The following SASH1 variants were observed in gnomAD, a reference collection of about 807,000 sequenced individuals.
The protein encoded by SASH1 is SAM and SH3 domain containing 1, also known as SAM and SH3 domain-containing protein 1.
SASH1 carries 44 observed loss-of-function variants against 125.2 expected under a neutral mutation model. That is an observed-to-expected ratio of 0.35 (90% CI 0.28 to 0.45). The LOEUF (loss-of-function observed/expected upper bound fraction) is 0.45, where lower values mean the gene tolerates loss of function less well. SASH1 is among the 20% of genes least tolerant of loss of function. The probability of loss-of-function intolerance (pLI) is 1.00; values close to 1 mark genes in which losing one functional copy is unlikely to be tolerated. For missense variants in SASH1, 1,426 were observed against 1,614.5 expected, an observed-to-expected ratio of 0.88 and a Z score of 2.00; for synonymous variants, 639 against 649.1, an observed-to-expected ratio of 0.98 and a Z score of 0.24.
intron 1 of SASH1, among the ~76,000 whole-genome samples, chr6:148,307,056 CTTTCTTTCT>C (rs1244461120): frequency 6.9e-6 from 1 of 145,574 alleles, no homozygotes; most frequent in Non-Finnish European, 1.5e-5. Flanking sequence ...TTCTTTCTTT[CTTTCTTTCT>C]TTCTTTCTTT....
chr6:148,495,883 TG>T lies in SASH1; in HGVS notation c.729+8170del, dbSNP rs1375081403. 6.6e-6 allele frequency among the ~76,000 whole-genome samples: 1 copy of T among 152,238 alleles called. No homozygotes were observed. Among genetic ancestry groups the T allele is most frequent in the East Asian group, 1.9e-4 (1 of 5,194 alleles). Reference sequence around the variant, plus strand: ...AGGAGTCTCATTCTGTCACCCAGGCTGGAGTGCAGTGGCACGATCTCGGCCC... The same window carrying T: ...AGGAGTCTCATTCTGTCACCCAGGCTGAGTGCAGTGGCACGATCTCGGCCC... On this transcript the variant is annotated intron_variant, in intron 8 of 19. Coordinates refer to ENST00000367467, the MANE Select transcript of SASH1 (RefSeq NM_015278.5). This position sits in a 1 kb window ranked among gnomAD's most constrained non-coding sequence, Gnocchi z 4.0.
At chr6:148,385,690 G>A (rs948130344) in intron 1 of SASH1, among the ~76,000 whole-genome samples, 4 of 152,110 alleles carry the variant, frequency 2.6e-5, no homozygotes, top group Non-Finnish European at 4.4e-5. Flanking sequence ...CCTGCATAAT[G>A]AAGCTTCCAT....
chr6:148,510,886 C>G (rs778455644), intron 8 of SASH1, among the ~76,000 whole-genome samples: 14 of 151,402 alleles, frequency 9.2e-5, no homozygotes, highest in Non-Finnish European at 2.1e-4. Flanking sequence ...ATCCCAGCTA[C>G]TCGGGAGGCT....
chr6:148,404,758 C>T (rs560128782), intron 2 of SASH1, among the ~76,000 whole-genome samples: 3 of 119,750 alleles, frequency 2.5e-5, no homozygotes, highest in African/African-American at 9.9e-5. Context: ...CAGCCCGTGC[C>T]CCACCCCAGC....
intron 2 of SASH1, among the ~76,000 whole-genome samples, chr6:148,436,780 C>A (rs1776307169): frequency 6.6e-6 from 1 of 152,166 alleles, no homozygotes; most frequent in Non-Finnish European, 1.5e-5. Flanking sequence ...TCTGCTATTG[C>A]CTTTCTGAAT....
chr6:148,394,643 CTT>C (rs1318817355), intron 2 of SASH1, among the ~76,000 whole-genome samples: 1 of 152,034 alleles, frequency 6.6e-6, no homozygotes, highest in African/African-American at 2.4e-5. Flanking sequence ...ATCTCTCTCT[CTT>C]TCTTTCTTTC....
At chr6:148,228,108 G>T in the SASH1 span, among the ~76,000 whole-genome samples, 208 of 152,304 alleles carry the variant, frequency 1.4e-3, no homozygotes, top group African/African-American at 4.6e-3. Flanking sequence ...TACAATTTTT[G>T]ATGTGCCTGC....
In SASH1 at chr6:148,544,573, T is replaced by C; in HGVS notation, c.3103T>C (p.Cys1035Arg). The C allele has an allele frequency of 3.7e-6, 6 of 1,613,294 alleles. No individual in the cohort carries two copies. The highest frequency in any genetic ancestry group is 5.1e-6 in the Non-Finnish European group (6 of 1,179,930). The change falls in exon 18 of 20, where the codon TGT (cysteine) becomes CGT (arginine). Residue 1035 changes from cysteine (C) to arginine (R), a missense_variant. By Grantham distance (180) the Cys-to-Arg change is radical (BLOSUM62 -3). Transcript: ENST00000367467. This position sits in a 1 kb window ranked among gnomAD's most constrained non-coding sequence, Gnocchi z 6.4. ...CGCCAGCCCCACCAGCCCTAGCGAC[T>C]GTCCCCCAGCACTGGCTCCCAGGCC... ...SPASPTSPSD[C>R]PPALAPRPLS...
the SASH1 span, among the ~76,000 whole-genome samples, chr6:148,207,310 T>C: frequency 6.6e-6 from 1 of 152,250 alleles, no homozygotes; most frequent in Non-Finnish European, 1.5e-5. Context: ...TTCTTCCTTT[T>C]ATTTCATTTT....
upstream of SASH1, among the ~76,000 whole-genome samples, chr6:148,272,084 A>T (rs1779075722): frequency 1.3e-5 from 2 of 152,114 alleles, no homozygotes; most frequent in Non-Finnish European, 2.9e-5. Context: ...CGAAGAATGA[A>T]ACTCGCTTTT....
chr6:148,332,347 T>G (rs1437914110), intron 1 of SASH1, among the ~76,000 whole-genome samples: 3 of 152,186 alleles, frequency 2.0e-5, no homozygotes, highest in African/African-American at 7.2e-5. Flanking sequence ...TAAATGAGCT[T>G]ATATACTTTC....
At chr6:148,203,596 T>C in the SASH1 span, among the ~76,000 whole-genome samples, 3 of 152,262 alleles carry the variant, frequency 2.0e-5, no homozygotes, top group Non-Finnish European at 2.9e-5. Context: ...AACGTGTTTA[T>C]GTTTTGGAAT....
chr6:148,407,318 G>A (rs1339941180), intron 2 of SASH1, among the ~76,000 whole-genome samples: 1 of 152,076 alleles, frequency 6.6e-6, no homozygotes, highest in Non-Finnish European at 1.5e-5. Flanking sequence ...TCCTGTAAGT[G>A]GAATTATGTA....
At chr6:148,221,411 T>G in the SASH1 span, among the ~76,000 whole-genome samples, 1 of 152,216 alleles carries the variant, frequency 6.6e-6, no homozygotes, top group African/African-American at 2.4e-5. Flanking sequence ...ATCTTTTGCA[T>G]AGCTGTATGC....
At chr6:148,429,851 G>C (rs569051777) in intron 2 of SASH1, among the ~76,000 whole-genome samples, 1 of 152,290 alleles carries the variant, frequency 6.6e-6, no homozygotes, top group South Asian at 2.1e-4. Context: ...ACATTCTCAA[G>C]GGGATGTCCT....
chr6:148,448,712 C>A (rs570571131), intron 4 of SASH1, among the ~76,000 whole-genome samples: 1 of 152,326 alleles, frequency 6.6e-6, no homozygotes, highest in South Asian at 2.1e-4. Flanking sequence ...AGATTTAACT[C>A]TCTCGCTCTG....
intron 2 of SASH1, among the ~76,000 whole-genome samples, chr6:148,429,281 G>A (rs1775956395): frequency 6.6e-6 from 1 of 151,382 alleles, no homozygotes; most frequent in Non-Finnish European, 1.5e-5. Context: ...AGCTATCCAG[G>A]AGGCTGAGGC....
At chr6:148,457,290 C>G (rs1777407798) in intron 4 of SASH1, among the ~76,000 whole-genome samples, 1 of 151,114 alleles carries the variant, frequency 6.6e-6, no homozygotes, top group African/African-American at 2.4e-5. Context: ...ACTTAAATTG[C>G]ACTTTCAGTA....
At chr6:148,302,613 C>T (rs1378426770) in intron 1 of SASH1, among the ~76,000 whole-genome samples, 1 of 126,126 alleles carries the variant, frequency 7.9e-6, no homozygotes, top group Non-Finnish European at 1.7e-5. Flanking sequence ...CACACACACA[C>T]GCAGAAATCA....
Sources: gnomAD v4.1 joint callset for allele counts (sites outside exome capture counted in the v4.1 genomes callset) on GRCh38, gnomAD v4.1.1 for gene constraint, Gnocchi (gnomAD v3.1) non-coding constraint, MANE v1.5 for transcripts, NCBI Gene and HGNC (gene_info 2026-07-23, HGNC 2026-07-21) for gene names.